The following NDST4 variants were observed in gnomAD, a reference collection of about 807,000 sequenced individuals.
NDST4 encodes the protein N-heparan sulfate sulfotransferase 4.
A neutral mutation model predicts 100.8 loss-of-function variants in NDST4; 63 were observed. The ratio of observed to expected loss-of-function variants is 0.62; its 90% CI spans 0.51 to 0.77. NDST4 has a LOEUF of 0.77. Among genes scored for constraint, NDST4 ranks in the 30% least tolerant of loss-of-function variants. NDST4 has a pLI of 0.00. For missense variants in NDST4, 943 were observed against 1,018.4 expected (o/e 0.93, Z 1.01); for synonymous variants, 377 against 361.8 (o/e 1.04, Z -0.48).
chr4:114,903,022 A>G (rs1724878578), intron 6 of NDST4, among the ~76,000 whole-genome samples: 1 of 152,086 alleles, frequency 6.6e-6, no homozygotes, highest in African/African-American at 2.4e-5. Flanking sequence ...ATTCCTTAGC[A>G]TGTTACAGTT....
rs958750793 is a variant in NDST4, at chr4:114,827,891, T to C, written c.2544A>G (p.Glu848=). The change falls in exon 14 of 14, where the codon GAA becomes GAG. Residue 848 remains glutamate, a synonymous_variant. Transcript: ENST00000264363. ...LSNYYRDHNV[E]LSKLLHRLGQ... is the part of the protein sequence containing the mutation. The stretch of plus-strand genomic sequence containing the variant: ...CCAGTCTGTGTAGCAGTTTGGATAG[T>C]TCCACATTATGATCTCGGTAGTAAT... The C allele has an allele frequency of 1.2e-6, 2 of 1,611,926 alleles. No individual in the cohort carries two copies. Among genetic ancestry groups the C allele is most frequent in the East Asian group, 4.5e-5 (2 of 44,810 alleles).
At chr4:115,042,097 T>C (rs1314682233) in intron 2 of NDST4, among the ~76,000 whole-genome samples, 1 of 152,156 alleles carries the variant, frequency 6.6e-6, no homozygotes, top group African/African-American at 2.4e-5. Flanking sequence ...TTCCAACTAC[T>C]GTCTGAAAAT....
Position 114,986,832 on chromosome 4 carries a change from A to ATATATATT in NDST4, c.979-9559_979-9558insAATATATA. ...TATATATATATATATATATATATAT[A>ATATATATT]TTTTAATATACTATTCCTATAAGCT... On this transcript the variant is annotated intron_variant, in intron 2 of 13. Transcript: ENST00000264363. Among the ~76,000 whole-genome samples the ATATATATT allele has an allele frequency of 9.3e-3, 883 of 94,450 alleles. 40 individuals carry two copies. The highest frequency in any genetic ancestry group is 0.016 in the Middle Eastern group (2 of 126). 62.0% of individuals were successfully genotyped at this position (94,450 alleles called of 152,430 possible).
chr4:115,062,560 A>AATATACTATT (rs1433051210), intron 2 of NDST4, among the ~76,000 whole-genome samples: 1 of 151,812 alleles, frequency 6.6e-6, no homozygotes, highest in Non-Finnish European at 1.5e-5. Flanking sequence ...AAAGACATGA[A>AATATACTATT]ATATACTATT....
intron 2 of NDST4, among the ~76,000 whole-genome samples, chr4:115,004,558 A>C (rs1475792877): frequency 6.6e-6 from 1 of 152,180 alleles, no homozygotes; most frequent in Non-Finnish European, 1.5e-5. Flanking sequence ...TCTATTTGTC[A>C]TTCTATAAGT....
At chr4:114,967,863 A>G (rs994663984) in intron 4 of NDST4, among the ~76,000 whole-genome samples, 2 of 152,158 alleles carry the variant, frequency 1.3e-5, no homozygotes, top group Non-Finnish European at 2.9e-5. Context: ...TAATTGGTTA[A>G]TTAACACTAT....
Position 114,870,827 on chromosome 4 carries a change from C to A in NDST4, c.1660G>T (p.Val554Leu), listed in dbSNP as rs1217530446. The A allele has an allele frequency of 6.2e-7, 1 of 1,612,976 alleles. No homozygotes were observed. Among genetic ancestry groups the A allele is most frequent in the African/African-American group, 1.3e-5 (1 of 74,832 alleles). Residue 554 changes from valine (V) to leucine (L), a missense_variant, in exon 7 of 14, where the codon GTG (valine) becomes TTG (leucine). This residue lies in a region of NDST4 where 526 missense variants were observed against 634.1 expected (regional missense o/e 0.83). Coordinates refer to ENST00000264363, the MANE Select transcript of NDST4 (RefSeq NM_022569.3). ...TNLKLQTLPP[V>L]QLAHQYFELF... is the part of the protein sequence containing the mutation. ...TCAAAATACTGGTGGGCCAGTTGCA[C>A]TGGAGGCAGAGTTTGCAATTTCAGG...
chr4:115,082,734 T>A (rs1235284604), intron 1 of NDST4, among the ~76,000 whole-genome samples: 4 of 152,200 alleles, frequency 2.6e-5, no homozygotes, highest in Admixed American at 6.5e-5. Context: ...AGAACGGAAC[T>A]AAGATTAAAC....
intron 6 of NDST4, among the ~76,000 whole-genome samples, chr4:114,906,311 T>C (rs771866431): frequency 6.6e-6 from 1 of 152,036 alleles, no homozygotes; most frequent in Non-Finnish European, 1.5e-5. Context: ...AGTTGGATGA[T>C]AAAAGTCCCT....
At chr4:114,948,890 C>T (rs1009815305) in intron 4 of NDST4, among the ~76,000 whole-genome samples, 3 of 151,816 alleles carry the variant, frequency 2.0e-5, no homozygotes, top group Non-Finnish European at 4.4e-5. Context: ...CTCAAAAATG[C>T]AAAAGAGAAA....
rs1278179453 is a variant in NDST4 at position 114,935,206 on chromosome 4, T to G, written c.1536A>C (p.Pro512=). The G allele has an allele frequency of 6.3e-7, 1 of 1,599,104 alleles. No individual in the cohort carries two copies. The part of the protein sequence containing the change: ...GELFLTILLN[P]ISIFMTHLSN... ...TAAGGTGCATACATAGAATACATAC[T>G]GGGTTTAGAAGGATTGTGAGAAAAA... The change falls in exon 6 of 14, where the codon CCA becomes CCC. Residue 512 remains proline, a splice_region_variant and synonymous_variant. Transcript: ENST00000264363.
At chr4:114,962,989 A>G (rs1295225951) in intron 4 of NDST4, among the ~76,000 whole-genome samples, 2 of 152,148 alleles carry the variant, frequency 1.3e-5, no homozygotes, top group African/African-American at 4.8e-5. Flanking sequence ...CACACTTTGG[A>G]AACAGCATGG....
intron 4 of NDST4, among the ~76,000 whole-genome samples, chr4:114,966,006 A>G (rs1054434060): frequency 6.6e-6 from 1 of 152,052 alleles, no homozygotes; most frequent in Non-Finnish European, 1.5e-5. Flanking sequence ...GAATAGCAGC[A>G]AAGATCTATG....
intron 4 of NDST4, among the ~76,000 whole-genome samples, chr4:114,961,939 A>G (rs918465552): frequency 1.3e-5 from 2 of 152,066 alleles, no homozygotes; most frequent in African/African-American, 2.4e-5. Context: ...AAAATACCCA[A>G]AAAGGCACTA....
intron 6 of NDST4, among the ~76,000 whole-genome samples, chr4:114,913,815 A>G (rs1725112954): frequency 6.6e-6 from 1 of 151,584 alleles, no homozygotes; most frequent in South Asian, 2.1e-4. Context: ...GCATTGGTAT[A>G]GTAGGAATGC....
intron 2 of NDST4, among the ~76,000 whole-genome samples, chr4:115,025,334 TA>T (rs1229074244): frequency 2.0e-5 from 3 of 152,186 alleles, no homozygotes; most frequent in Non-Finnish European, 4.4e-5. Context: ...GAGTGAGATT[TA>T]TGCTACTCGG....
intron 4 of NDST4, among the ~76,000 whole-genome samples, chr4:114,941,948 C>T (rs374968318): frequency 3.3e-5 from 5 of 152,160 alleles, no homozygotes; most frequent in African/African-American, 1.2e-4. Context: ...TTAAGAACTT[C>T]TGTTGAGACG....
In NDST4 at chr4:115,088,497, C is replaced by T. The variant is rs79974745; in HGVS notation, c.-246-11215G>A. ...ATTTGTAATTATAATCTTCAGGTAT[C>T]TGAATGGCTTCAGTCCCTACCACTT... On this transcript the variant is annotated intron_variant, in intron 1 of 13. Transcript: ENST00000264363. Among the ~76,000 whole-genome samples, 590 of 152,052 alleles carry T rather than the reference C, an allele frequency of 3.9e-3. 3 individuals carry two copies. The highest frequency in any genetic ancestry group is 0.014 in the African/African-American group (564 of 41,528).
intron 1 of NDST4, among the ~76,000 whole-genome samples, chr4:115,091,801 T>C (rs189987877): frequency 5.3e-5 from 8 of 152,244 alleles, no homozygotes; most frequent in Non-Finnish European, 1.0e-4. Context: ...ATATAATAGA[T>C]TTTATTTTTA....
Sources: gnomAD v4.1 joint callset for allele counts (sites outside exome capture counted in the v4.1 genomes callset) on GRCh38, gnomAD v4.1.1 for gene constraint, gnomAD v4.1.1 regional missense constraint, MANE v1.5 for transcripts, NCBI Gene and HGNC (gene_info 2026-07-23, HGNC 2026-07-21) for gene names.